Variants in KIR3DL3 observed in about 807,000 individuals in gnomAD.
The protein encoded by KIR3DL3 is killer cell immunoglobulin-like receptor 3DL3.
KIR3DL3 carries 27 observed loss-of-function variants against 34.9 expected under a neutral mutation model. That is an observed-to-expected ratio of 0.77 (90% confidence interval 0.57 to 1.07). The LOEUF is 1.07. KIR3DL3 is among the 50% of genes least tolerant of loss of function. KIR3DL3 has a pLI of 0.00. For missense variants in KIR3DL3, 681 were observed against 528.5 expected (o/e 1.29, Z -2.83); for synonymous variants, 217 against 200.2 (o/e 1.08, Z -0.71).
intron 5 of KIR3DL3, among the ~76,000 whole-genome samples, chr19:54,732,244 G>GT (rs1486263883): frequency 9.3e-5 from 11 of 118,320 alleles, no homozygotes; most frequent in Non-Finnish European, 1.3e-4. Context: ...GTGTGTGTGT[G>GT]TGTTTTTTGT....
intron 2 of KIR3DL3, 128 bp downstream of exon 2, chr19:54,725,410 T>C: frequency 2.6e-6 from 2 of 781,458 alleles, no homozygotes; most frequent in Non-Finnish European, 4.0e-6. Context: ...GAATCTCTCA[T>C]GAACTAGGAA....
At position 54,736,079 on chromosome 19, in the gene KIR3DL3, A is replaced by G. The variant is rs369637345; in HGVS notation, c.1216A>G (p.Thr406Ala). The change falls in exon 8 of 8, where the codon ACA becomes GCA. Residue 406 changes from threonine to alanine, a missense_variant. By Grantham distance (58) the Thr-to-Ala change is moderately conservative (BLOSUM62 0). Coordinates refer to ENST00000291860, the MANE Select transcript of KIR3DL3 (RefSeq NM_153443.5). ...RPSQRPKTPPTDTSV is the reference protein window; with the variant it reads ...RPSQRPKTPPADTSV The stretch of plus-strand genomic sequence containing the variant: ...TTCTCAGAGGCCCAAGACACCCCCA[A>G]CAGATACCAGCGTGTAACACGGAAC... 4.0e-5 allele frequency: 65 copies of G among 1,613,256 alleles called. No homozygotes were observed. The East Asian group carries it at 4.9e-4, about 12-fold the overall frequency.
intron 5 of KIR3DL3, 117 bp from the exon 6 acceptor site, chr19:54,735,136 G>T: frequency 1.2e-6 from 1 of 815,608 alleles, no homozygotes; most frequent in Non-Finnish European, 2.1e-6. Context: ...CCCGCCATCT[G>T]GGTGCTTGTC....
chr19:54,725,182 G>C, intron 1 of KIR3DL3, 65 bp from the exon 2 acceptor site: 1 of 968,048 alleles, frequency 1.0e-6, no homozygotes, highest in Non-Finnish European at 1.5e-6. Context: ...ATATGGGCCT[G>C]GAGTGGAGAT....
intron 5 of KIR3DL3, 110 bp downstream of exon 5, chr19:54,729,896 A>ATGCTGTGTGTTCT: frequency 3.9e-6 from 4 of 1,027,220 alleles, no homozygotes; most frequent in Non-Finnish European, 5.6e-6. Context: ...CAGAACACAC[A>ATGCTGTGTGTTCT]GCATGGGTGT....
chr19:54,728,190 T>C (rs2068413049), intron 4 of KIR3DL3, among the ~76,000 whole-genome samples: 1 of 146,872 alleles, frequency 6.8e-6, no homozygotes, highest in African/African-American at 2.5e-5. Context: ...CAGAGAGAGG[T>C]GTCCTTCTAT....
At position 54,729,493 on chromosome 19, in the gene KIR3DL3, G is replaced by T; in HGVS notation, c.656G>T (p.Gly219Val). 6.3e-7 allele frequency: 1 copy of T among 1,597,894 alleles called. No homozygotes were observed. The highest frequency in any genetic ancestry group is 1.1e-5 in the South Asian group (1 of 89,284). Reference sequence around the variant, plus strand: ...AGGAAACCACCTCTTCTTCTTCCAGGTCTATATGGGAAACCTTCTCTCTCA... The same window carrying T: ...AGGAAACCACCTCTTCTTCTTCCAGTTCTATATGGGAAACCTTCTCTCTCA... ...PSDPLDIVVV[G>V]LYGKPSLSAQ... Residue 219 changes from glycine to valine, a missense_variant and splice_region_variant, in exon 5 of 8, where the codon GGT (glycine) becomes GTT (valine). Coordinates refer to ENST00000291860, the MANE Select transcript of KIR3DL3 (RefSeq NM_153443.5).
intron 5 of KIR3DL3, among the ~76,000 whole-genome samples, chr19:54,731,559 C>A (rs2068793921): frequency 4.6e-5 from 7 of 151,844 alleles, no homozygotes; most frequent in Non-Finnish European, 1.5e-5. Flanking sequence ...CCACAAGCTT[C>A]GTGGATGAAA....
rs567583769 is a variant in KIR3DL3 at position 54,726,357 on chromosome 19, G to C, written c.355+20G>C. ...TCACAGGTCAGAGGCTTTCTGTCTG[G>C]GCTTCTCACTGTCCCACCTCCTGAA... On this transcript the variant is annotated intron_variant, in intron 3 of 7. Transcript: ENST00000291860. 2 of 1,607,804 alleles carry C rather than the reference G, an allele frequency of 1.2e-6. No homozygotes were observed. The highest frequency in any genetic ancestry group is 8.5e-7 in the Non-Finnish European group (1 of 1,178,018).
At chr19:54,726,671 G>T (rs1297128778) in intron 3 of KIR3DL3, among the ~76,000 whole-genome samples, 5 of 147,118 alleles carry the variant, frequency 3.4e-5, no homozygotes, top group Non-Finnish European at 7.5e-5. Flanking sequence ...CCTCATGAGA[G>T]GAGGAGGAAG....
rs2069370400 is a variant in KIR3DL3, at chr19:54,735,284, G to A, written c.981G>A (p.Gly327=). ...CCAGAAACCTGCACGTTCTGATTGG[G>A]ACCTCAGTGGTCATCATCCCCTTTG... ...GNSRNLHVLI[G]TSVVIIPFAI... Residue 327 remains glycine, a synonymous_variant, in exon 6 of 8, where the codon GGG becomes GGA. Coordinates refer to ENST00000291860, the MANE Select transcript of KIR3DL3 (RefSeq NM_153443.5). The A allele has an allele frequency of 2.0e-6, 3 of 1,528,382 alleles. No individual in the cohort carries two copies. Among genetic ancestry groups the A allele is most frequent in the African/African-American group, 1.4e-5 (1 of 69,758 alleles). The allele number at this position is 1,528,382 out of a possible 1,614,324, so 94.7% of individuals were successfully genotyped here.
chr19:54,731,735 C>G (rs1262476943), intron 5 of KIR3DL3, among the ~76,000 whole-genome samples: 2 of 152,046 alleles, frequency 1.3e-5, no homozygotes, highest in African/African-American at 2.4e-5. Context: ...CGTTCCTGGG[C>G]CCCTGGTCCC....
intron 5 of KIR3DL3, among the ~76,000 whole-genome samples, chr19:54,730,510 G>A (rs2068683809): frequency 6.6e-6 from 1 of 151,396 alleles, no homozygotes; most frequent in African/African-American, 2.4e-5. Context: ...GGAGGCGGAG[G>A]TTGCAGTGAG....
At chr19:54,724,678 C>G in intron 1 of KIR3DL3, 148 bp downstream of exon 1, 1 of 1,431,064 alleles carries the variant, frequency 7.0e-7, no homozygotes, top group Non-Finnish European at 9.6e-7. Flanking sequence ...AGATATGGGC[C>G]TGGAGTGGAG....
intron 4 of KIR3DL3, among the ~76,000 whole-genome samples, 174 bp downstream of exon 4, chr19:54,728,084 C>T (rs555166738): frequency 1.3e-5 from 2 of 151,924 alleles, no homozygotes; most frequent in Non-Finnish European, 2.9e-5. Flanking sequence ...AAGTACAGAC[C>T]TCATGTCATA....
chr19:54,732,655 A>G (rs1313561883), intron 5 of KIR3DL3, among the ~76,000 whole-genome samples: 2 of 152,236 alleles, frequency 1.3e-5, no homozygotes, highest in African/African-American at 4.8e-5. Context: ...AATGGAAAAA[A>G]TGGATTCAAC....
intron 5 of KIR3DL3, among the ~76,000 whole-genome samples, chr19:54,733,296 CCAAGGCGGGTAGAT>C (rs746682715): frequency 6.2e-4 from 95 of 152,180 alleles, no homozygotes; most frequent in Non-Finnish European, 1.0e-3. Flanking sequence ...CTTTGGGAGG[CCAAGGCGGGTAGAT>C]CACTTAAGGG....
intron 2 of KIR3DL3, 117 bp from the exon 3 acceptor site, chr19:54,725,936 G>A (rs1235276204): frequency 2.1e-6 from 2 of 971,972 alleles, no homozygotes; most frequent in African/African-American, 1.6e-5. Flanking sequence ...TGTAGCCCTG[G>A]GCACCCAGGT....
Position 54,727,710 on chromosome 19 carries a change from G to C in KIR3DL3, c.455G>C (p.Arg152Pro). ...TGTTGGTCAGATGTCAGGTTTGAGC[G>C]CTTCCTTCTGCACAGAGAGGGGATC... ...LQCWSDVRFE[R>P]FLLHREGITE... The change falls in exon 4 of 8, where the codon CGC (arginine) becomes CCC (proline). Residue 152 changes from arginine to proline, a missense_variant. Physicochemically the swap from Arg to Pro is moderately radical, Grantham distance 103. Coordinates refer to ENST00000291860, the MANE Select transcript of KIR3DL3 (RefSeq NM_153443.5). 6.2e-7 allele frequency: 1 copy of C among 1,612,414 alleles called. No individual in the cohort carries two copies. The highest frequency in any genetic ancestry group is 1.1e-5 in the South Asian group (1 of 90,978).
Sources: allele counts gnomAD v4.1 joint callset (sites outside exome capture counted in the v4.1 genomes callset), GRCh38; gene constraint gnomAD v4.1.1; transcripts MANE v1.5; gene names NCBI Gene and HGNC (gene_info 2026-07-23, HGNC 2026-07-21).